The following LIN52 variants were observed in gnomAD, a reference collection of about 807,000 sequenced individuals.
The protein encoded by LIN52 is lin-52 DREAM MuvB core complex component.
In LIN52, 4 loss-of-function variants were observed where a neutral mutation model predicts 18.5. That is an observed-to-expected ratio of 0.22 (90% CI 0.11 to 0.49). The LOEUF is 0.49. Among genes scored for constraint, LIN52 ranks in the 20% least tolerant of loss-of-function variants. The pLI, the probability that LIN52 is intolerant of heterozygous loss-of-function variation, is 0.97. For missense variants in LIN52, 102 were observed against 139.5 expected, an observed-to-expected ratio of 0.73 and a Z score of 1.35; for synonymous variants, 34 against 45.5, an observed-to-expected ratio of 0.75 and a Z score of 1.02.
chr14:74,166,371 C>T (rs755778237), intron 5 of LIN52, among the ~76,000 whole-genome samples: 9 of 151,784 alleles, frequency 5.9e-5, no homozygotes, highest in African/African-American at 9.7e-5. Flanking sequence ...CATGCGCCAC[C>T]ACGCTGGCTA....
chr14:74,099,840 C>T (rs150664815), intron 4 of LIN52, among the ~76,000 whole-genome samples: 1 of 152,090 alleles, frequency 6.6e-6, no homozygotes, highest in Non-Finnish European at 1.5e-5. Flanking sequence ...TGGGTGGTAC[C>T]AACTGATCCA....
In LIN52 at chr14:74,116,739, A is replaced by C. The variant is rs2060966921; in HGVS notation, c.283+15501A>C. Among the ~76,000 whole-genome samples, 3 of 151,410 alleles carry C rather than the reference A, an allele frequency of 2.0e-5. No individual in the cohort carries two copies. The South Asian group carries it at 6.2e-4, about 31-fold the overall frequency. On this transcript the variant is annotated intron_variant, in intron 5 of 5. Coordinates refer to ENST00000555028, the MANE Select transcript of LIN52 (RefSeq NM_001024674.3). The stretch of plus-strand genomic sequence containing the variant: ...AAAAAAAAAAGAAAAGAAAAAAAGC[A>C]CTAAAGGGCATTTCATGACAGAAAG...
chr14:74,144,113 G>A (rs897267725), intron 5 of LIN52, among the ~76,000 whole-genome samples: 4 of 136,758 alleles, frequency 2.9e-5, no homozygotes, highest in African/African-American at 5.4e-5. Context: ...CACATGACAA[G>A]GTTTTATTCT....
chr14:74,086,017 T>G (rs1300700560), intron 1 of LIN52, among the ~76,000 whole-genome samples: 3 of 152,186 alleles, frequency 2.0e-5, no homozygotes, highest in African/African-American at 7.2e-5. Flanking sequence ...AAACATTTTT[T>G]TTTTTCAGTT....
intron 5 of LIN52, among the ~76,000 whole-genome samples, chr14:74,157,818 C>T (rs1011590075): frequency 1.3e-4 from 15 of 119,244 alleles, no homozygotes; most frequent in Admixed American, 1.1e-3. Flanking sequence ...CCAGGCTTTC[C>T]GTAGTGTCAT....
chr14:74,092,949 G>T (rs2060783309), intron 2 of LIN52, among the ~76,000 whole-genome samples: 1 of 150,900 alleles, frequency 6.6e-6, no homozygotes, highest in African/African-American at 2.4e-5. Context: ...TTATTTGTTT[G>T]TTTGTGTATT....
At chr14:74,130,378 A>G (rs2061058568) in intron 5 of LIN52, among the ~76,000 whole-genome samples, 2 of 143,608 alleles carry the variant, frequency 1.4e-5, no homozygotes, top group African/African-American at 5.3e-5. Context: ...CCTGGGTTCA[A>G]GCGATTCTCC....
intron 5 of LIN52, among the ~76,000 whole-genome samples, chr14:74,157,460 T>TA (rs374055679): frequency 0.24 from 23,728 of 99,502 alleles, 2,351 homozygotes; most frequent in East Asian, 0.61. Context: ...TATATATATA[T>TA]TTTTTAATTA....
chr14:74,138,511 T>G (rs1031399312), intron 5 of LIN52, among the ~76,000 whole-genome samples: 5 of 152,132 alleles, frequency 3.3e-5, no homozygotes, highest in Admixed American at 6.5e-5. Context: ...AAAGCATCTT[T>G]GAAGGCCAAC....
intron 5 of LIN52, chr14:74,114,468 T>C (rs2139910122): frequency 1.0e-6 from 1 of 981,756 alleles, no homozygotes; most frequent in East Asian, 1.1e-4. Flanking sequence ...TTTTCAGATT[T>C]GGAATTTTTA....
At chr14:74,104,346 A>T (rs1282035804) in intron 5 of LIN52, among the ~76,000 whole-genome samples, 1 of 152,066 alleles carries the variant, frequency 6.6e-6, no homozygotes, top group Non-Finnish European at 1.5e-5. Flanking sequence ...TCATTTTTTG[A>T]GTCTGGATCT....
At chr14:74,163,555 G>A (rs1242466946) in intron 5 of LIN52, among the ~76,000 whole-genome samples, 1 of 152,174 alleles carries the variant, frequency 6.6e-6, no homozygotes, top group Admixed American at 6.5e-5. Flanking sequence ...AAAAATAAAT[G>A]TGGAGGGCAC....
intron 5 of LIN52, among the ~76,000 whole-genome samples, chr14:74,152,658 T>C (rs1204698789): frequency 6.6e-6 from 1 of 151,620 alleles, no homozygotes; most frequent in East Asian, 1.9e-4. Context: ...TTTCTGTATC[T>C]AGTATTTTAG....
At chr14:74,198,301 G>A (rs1168744517) in intron 5 of LIN52, among the ~76,000 whole-genome samples, 1 of 152,128 alleles carries the variant, frequency 6.6e-6, no homozygotes, top group Non-Finnish European at 1.5e-5. Context: ...CTGAAAGCCG[G>A]AGAAAGACAC....
At chr14:74,129,335 TGA>T (rs1332708926) in intron 5 of LIN52, among the ~76,000 whole-genome samples, 1 of 152,166 alleles carries the variant, frequency 6.6e-6, no homozygotes, top group African/African-American at 2.4e-5. Flanking sequence ...GTAAGGTTTC[TGA>T]GAGGGCGCAG....
rs113771739 is a variant in LIN52 at position 74,115,688 on chromosome 14, A to G, written c.283+14450A>G. Reference sequence around the variant, plus strand: ...AGTATTTTATTTTTTGAAATGTTTTATGATAATGTGAAGTAAACCATGCCA... The same window carrying G: ...AGTATTTTATTTTTTGAAATGTTTTGTGATAATGTGAAGTAAACCATGCCA... On this transcript the variant is annotated intron_variant, in intron 5 of 5. Transcript: ENST00000555028. Among the ~76,000 whole-genome samples, 299 of 152,334 alleles carry G rather than the reference A, an allele frequency of 2.0e-3. 2 individuals carry two copies. Among genetic ancestry groups the G allele is most frequent in the African/African-American group, 6.9e-3 (286 of 41,584 alleles).
In LIN52 at chr14:74,200,553, A is replaced by G. The variant is rs573338181; in HGVS notation, c.*1576A>G. The G allele has an allele frequency of 6.6e-6, 1 of 152,040 alleles. No homozygotes were observed. The highest frequency in any genetic ancestry group is 1.9e-4 in the East Asian group (1 of 5,170). 9.4% of individuals were successfully genotyped at this position (152,040 alleles called of 1,614,324 possible). On this transcript the variant is annotated 3_prime_UTR_variant, in exon 6 of 6. Transcript: ENST00000555028. ...CACTCTTCAGTTTAACAGCTGATCC[A>G]TTAAACCTTTTCTGACATTTGTGCC...
intron 5 of LIN52, among the ~76,000 whole-genome samples, chr14:74,136,298 T>G (rs2061097476): frequency 1.3e-5 from 2 of 152,202 alleles, no homozygotes; most frequent in East Asian, 1.9e-4. Flanking sequence ...AAGCACAGGT[T>G]TGGACCAAGT....
chr14:74,126,215 C>G (rs1476975869), intron 5 of LIN52, among the ~76,000 whole-genome samples: 2 of 151,924 alleles, frequency 1.3e-5, no homozygotes, highest in African/African-American at 4.8e-5. Context: ...TAAAGAAACC[C>G]CAAAACAAAA....
Sources: gnomAD v4.1 joint callset for allele counts (sites outside exome capture counted in the v4.1 genomes callset) on GRCh38, gnomAD v4.1.1 for gene constraint, MANE v1.5 for transcripts, NCBI Gene and HGNC (gene_info 2026-07-23, HGNC 2026-07-21) for gene names.